Variants in LAYN observed in about 807,000 individuals in gnomAD.
LAYN encodes the protein layilin.
In LAYN, 38 loss-of-function variants were observed where a neutral mutation model predicts 43.6. The observed-to-expected ratio is 0.87, with a 90% CI of 0.67 to 1.14. The LOEUF (loss-of-function observed/expected upper bound fraction) is 1.14. LAYN is among the 50% of genes most tolerant of loss of function. The pLI, the probability that LAYN is intolerant of heterozygous loss-of-function variation, is 0.00. For missense variants in LAYN, 479 were observed against 463.8 expected, an observed-to-expected ratio of 1.03 and a Z score of -0.30; for synonymous variants, 168 against 172.9, an observed-to-expected ratio of 0.97 and a Z score of 0.22.
chr11:111,545,246 C>T (rs1867630389), intron 2 of LAYN, among the ~76,000 whole-genome samples: 1 of 152,098 alleles, frequency 6.6e-6, no homozygotes, highest in Non-Finnish European at 1.5e-5. Flanking sequence ...ATGAACTACA[C>T]TTCCTATCAG....
intron 3 of LAYN, chr11:111,551,384 T>TTA (rs1565269407): frequency 4.4e-6 from 2 of 456,190 alleles, no homozygotes; most frequent in Admixed American, 2.3e-5. Context: ...TTGAAACAGT[T>TTA]TATAGACCTC....
intron 2 of LAYN, among the ~76,000 whole-genome samples, chr11:111,548,293 C>T (rs932605968): frequency 2.0e-5 from 3 of 152,186 alleles, no homozygotes; most frequent in Non-Finnish European, 4.4e-5. Flanking sequence ...GTGCACCTGC[C>T]GTGGTGTTGC....
intron 3 of LAYN, among the ~76,000 whole-genome samples, chr11:111,552,608 T>C (rs762361285): frequency 1.3e-5 from 2 of 152,232 alleles, no homozygotes; most frequent in African/African-American, 4.8e-5. Flanking sequence ...AAACAAATCA[T>C]GAGGCAACAC....
In LAYN at chr11:111,557,614, T is replaced by G; in HGVS notation, c.732T>G (p.Val244=). 1 of 1,614,116 alleles carries G rather than the reference T, an allele frequency of 6.2e-7. No individual in the cohort carries two copies. The highest frequency in any genetic ancestry group is 1.1e-5 in the South Asian group (1 of 91,082). The change falls in exon 6 of 7, where the codon GTT becomes GTG. Residue 244 remains valine (V), a synonymous_variant. Transcript: ENST00000375614. ...PLLLLLVVTT[V]VCWVWICRKR... is the part of the protein sequence containing the mutation. ...TCCTCCTCCTTGTGGTCACCACAGT[T>G]GTATGTTGGGTTTGGATCTGTAGAA...
chr11:111,543,156 G>A (rs950936006), intron 1 of LAYN, among the ~76,000 whole-genome samples: 1 of 152,140 alleles, frequency 6.6e-6, no homozygotes, highest in African/African-American at 2.4e-5. Flanking sequence ...CTCTAACTCC[G>A]GTGATGCTGA....
At chr11:111,557,402 T>A (rs1867865888) in intron 5 of LAYN, 139 bp from the exon 6 acceptor site, 1 of 699,686 alleles carries the variant, frequency 1.4e-6, no homozygotes, top group African/African-American at 1.8e-5. Flanking sequence ...CTTTGTTTTG[T>A]TTTTTAATTT....
chr11:111,560,519 T>C lies in LAYN; in HGVS notation c.*61T>C. 2.6e-6 allele frequency: 4 copies of C among 1,519,032 alleles called. No homozygotes were observed. In the East Asian group the frequency reaches 6.8e-5, roughly 26 times the overall value. 94.1% of individuals were successfully genotyped at this position (1,519,032 alleles called of 1,614,324 possible). On this transcript the variant is annotated 3_prime_UTR_variant, in exon 7 of 7. Coordinates refer to ENST00000375614, the MANE Select transcript of LAYN (RefSeq NM_178834.5). ...AGAAATGATAAGCAAAATCCTCTTA[T>C]TTTCTATAAGGAAAATACACAGAAG...
At chr11:111,542,935 A>G (rs536867156) in intron 1 of LAYN, among the ~76,000 whole-genome samples, 2 of 152,316 alleles carry the variant, frequency 1.3e-5, no homozygotes, top group African/African-American at 4.8e-5. Context: ...AGTCACACAG[A>G]CGCAAGCTAG....
At chr11:111,543,376 G>A (rs1272189568) in intron 1 of LAYN, among the ~76,000 whole-genome samples, 1 of 152,130 alleles carries the variant, frequency 6.6e-6, no homozygotes, top group Non-Finnish European at 1.5e-5. Context: ...TAGGTCAGAG[G>A]GCTGACTGTC....
chr11:111,560,306 A>C lies in LAYN; in HGVS notation c.973A>C (p.Asn325His), dbSNP rs765898294. Residue 325 changes from asparagine to histidine, a missense_variant, in exon 7 of 7, where the codon AAC (asparagine) becomes CAC (histidine). Coordinates refer to ENST00000375614, the MANE Select transcript of LAYN (RefSeq NM_178834.5). ...TPDDMSCDYD[N>H]MAVNPSESGF... is the part of the protein sequence containing the mutation. ...CGATGACATGTCTTGTGACTATGAC[A>C]ACATGGCTGTGAACCCATCAGAAAG... 5 of 1,614,104 alleles carry C rather than the reference A, an allele frequency of 3.1e-6. No individual in the cohort carries two copies. In the East Asian group the frequency reaches 1.1e-4, roughly 36 times the overall value.
intron 5 of LAYN, 56 bp downstream of exon 5, chr11:111,555,346 T>G: frequency 7.9e-7 from 1 of 1,261,778 alleles, no homozygotes; most frequent in East Asian, 2.4e-5. Context: ...TGATTACAAA[T>G]TACCCATGGT....
At chr11:111,559,891 A>T (rs897573413) in intron 6 of LAYN, among the ~76,000 whole-genome samples, 1 of 152,078 alleles carries the variant, frequency 6.6e-6, no homozygotes, top group Non-Finnish European at 1.5e-5. Flanking sequence ...GGCAGCAGTG[A>T]ATGACAGATA....
intron 6 of LAYN, among the ~76,000 whole-genome samples, chr11:111,559,503 C>T (rs1008973868): frequency 4.0e-5 from 6 of 151,742 alleles, no homozygotes; most frequent in Non-Finnish European, 7.4e-5. Context: ...CTCACTCTGT[C>T]GCCCAAGCTG....
At position 111,560,482 on chromosome 11, in the gene LAYN, C is replaced by G. The variant is rs1377487505; in HGVS notation, c.*24C>G. The G allele has an allele frequency of 6.3e-7, 1 of 1,582,628 alleles. No individual in the cohort carries two copies. The highest frequency in any genetic ancestry group is 8.6e-7 in the Non-Finnish European group (1 of 1,165,780). ...AGGACATATAAAAAACTGAAACTGA[C>G]AACAATGGAAAAGAAATGATAAGCA... On this transcript the variant is annotated 3_prime_UTR_variant, in exon 7 of 7. Coordinates refer to ENST00000375614, the MANE Select transcript of LAYN (RefSeq NM_178834.5).
At chr11:111,543,504 ACTTCAGGAAGCCTCT>A (rs1048755212) in intron 1 of LAYN, among the ~76,000 whole-genome samples, 6 of 152,186 alleles carry the variant, frequency 3.9e-5, no homozygotes, top group Non-Finnish European at 7.3e-5. Context: ...CCCATGCCTG[ACTTCAGGAAGCCTCT>A]CTTACCTTAA....
intron 2 of LAYN, among the ~76,000 whole-genome samples, chr11:111,548,395 T>C (rs1867683739): frequency 1.3e-5 from 2 of 152,260 alleles, no homozygotes; most frequent in South Asian, 4.1e-4. Flanking sequence ...CCAGACATAA[T>C]ATTCAACCTA....
chr11:111,549,849 A>G, intron 3 of LAYN, 74 bp downstream of exon 3: 1 of 1,476,720 alleles, frequency 6.8e-7, no homozygotes, highest in East Asian at 2.5e-5. Flanking sequence ...GCTAGTACCA[A>G]GAATTTGTCA....
intron 1 of LAYN, chr11:111,541,553 T>C: frequency 2.6e-6 from 4 of 1,536,420 alleles, no homozygotes; most frequent in Non-Finnish European, 3.5e-6. Flanking sequence ...TCCTGTTGTG[T>C]CACTGCAGCC....
rs546634013 is a variant in LAYN, at chr11:111,540,834, G to A, written c.-10G>A. 9.2e-6 allele frequency: 14 copies of A among 1,522,060 alleles called. No homozygotes were observed. The highest frequency in any genetic ancestry group is 1.1e-5 in the Non-Finnish European group (13 of 1,141,748). The allele number at this position is 1,522,060 out of a possible 1,614,324, so 94.3% of individuals were successfully genotyped here. On this transcript the variant is annotated 5_prime_UTR_variant, in exon 1 of 7. Coordinates refer to ENST00000375614, the MANE Select transcript of LAYN (RefSeq NM_178834.5). ...CGCCCGAGTGTCGGGGGGCGCACCC[G>A]AGTCGGGCCATGAGGCCGGGAACCG...
Sources: allele counts gnomAD v4.1 joint callset (sites outside exome capture counted in the v4.1 genomes callset), GRCh38; gene constraint gnomAD v4.1.1; transcripts MANE v1.5; gene names NCBI Gene and HGNC (gene_info 2026-07-23, HGNC 2026-07-21).